COMMD10: variants seen among roughly 807,000 people sequenced by gnomAD.
COMMD10 encodes the protein COMM domain containing 10, also known as COMM domain-containing protein 10.
COMMD10 carries 33 observed loss-of-function variants against 28.9 expected under a neutral mutation model. The observed-to-expected ratio is 1.14, with a 90% confidence interval of 0.87 to 1.53. The LOEUF is 1.53. Ranked by LOEUF, COMMD10 falls within the 40% of genes most tolerant of loss-of-function variation. COMMD10 has a pLI of 0.00. For missense variants in COMMD10, 310 were observed against 233.4 expected (o/e 1.33, Z -2.14); for synonymous variants, 110 against 81.7 (o/e 1.35, Z -1.87).
chr5:116,202,107 A>G (rs545077337), intron 5 of COMMD10, among the ~76,000 whole-genome samples: 2 of 140,396 alleles, frequency 1.4e-5, no homozygotes, highest in African/African-American at 5.3e-5. Flanking sequence ...TCATTGTTCA[A>G]TTCCCACCTA....
At chr5:116,230,185 A>G (rs1321907622) in intron 5 of COMMD10, among the ~76,000 whole-genome samples, 6 of 152,006 alleles carry the variant, frequency 3.9e-5, no homozygotes, top group African/African-American at 9.7e-5. Flanking sequence ...TGTATAAGGA[A>G]GCCATGTAAC....
At chr5:116,090,574 C>A (rs1439423783) in intron 2 of COMMD10, among the ~76,000 whole-genome samples, 1 of 152,168 alleles carries the variant, frequency 6.6e-6, no homozygotes, top group Non-Finnish European at 1.5e-5. Context: ...TGCTGTATAT[C>A]TAGTTTTGAG....
chr5:116,245,148 A>G (rs149642159), intron 5 of COMMD10, among the ~76,000 whole-genome samples: 9 of 152,196 alleles, frequency 5.9e-5, no homozygotes, highest in African/African-American at 2.2e-4. Flanking sequence ...AATAAACACA[A>G]TCAGAAATGA....
chr5:116,175,879 A>T (rs958812260), intron 5 of COMMD10, among the ~76,000 whole-genome samples: 3 of 152,068 alleles, frequency 2.0e-5, no homozygotes, highest in Non-Finnish European at 2.9e-5. Flanking sequence ...GGGAATGAGG[A>T]GTAGGGAGTT....
chr5:116,287,036 C>T (rs538362407), intron 5 of COMMD10, among the ~76,000 whole-genome samples: 2 of 151,920 alleles, frequency 1.3e-5, no homozygotes, highest in African/African-American at 2.4e-5. Flanking sequence ...CATGTAAATA[C>T]AGTAAGTCCT....
At chr5:116,169,960 TTCA>T (rs1753265901) in intron 5 of COMMD10, among the ~76,000 whole-genome samples, 1 of 152,024 alleles carries the variant, frequency 6.6e-6, no homozygotes, top group Non-Finnish European at 1.5e-5. Flanking sequence ...ACCACCCCTA[TTCA>T]TCATAGTATG....
At position 116,189,056 on chromosome 5, in the gene COMMD10, T is replaced by C. The variant is rs143611458; in HGVS notation, c.510+54878T>C. ...AAAAATTTATTGATGGCTCATTGTATGTTAGGGTTTATTCTGAGTGCCTTA... is the reference window on the plus strand; with the variant it reads ...AAAAATTTATTGATGGCTCATTGTACGTTAGGGTTTATTCTGAGTGCCTTA... On this transcript the variant is annotated intron_variant, in intron 5 of 6. Transcript: ENST00000274458. Among the ~76,000 whole-genome samples, 309 of 152,314 alleles carry C rather than the reference T, an allele frequency of 2.0e-3. 3 individuals carry two copies. In the Middle Eastern group the frequency reaches 0.024, roughly 12 times the overall value.
chr5:116,176,320 A>G (rs1293002174), intron 5 of COMMD10, among the ~76,000 whole-genome samples: 9 of 152,116 alleles, frequency 5.9e-5, no homozygotes. Context: ...TGCCAGGCTG[A>G]CTAGGCTGGA....
chr5:116,273,661 A>C (rs1750819310), intron 5 of COMMD10, among the ~76,000 whole-genome samples: 1 of 151,780 alleles, frequency 6.6e-6, no homozygotes, highest in Admixed American at 6.6e-5. Context: ...TTATGCTATG[A>C]GTCATTTCAG....
intron 5 of COMMD10, among the ~76,000 whole-genome samples, chr5:116,190,250 T>C (rs1465643351): frequency 6.6e-6 from 1 of 152,128 alleles, no homozygotes; most frequent in Non-Finnish European, 1.5e-5. Context: ...TATATATATA[T>C]ATCTAGTAGA....
rs183336777 is a variant in COMMD10, at chr5:116,172,373, A to G, written c.510+38195A>G. 1.1e-3 allele frequency among the ~76,000 whole-genome samples: 168 copies of G among 152,240 alleles called. No individual in the cohort carries two copies. The East Asian group carries it at 0.012, about 11-fold the overall frequency. ...GAGTGATTATATGAAGAAAAATACT[A>G]TGATGATACTAATTGTGTTTTGTAG... On this transcript the variant is annotated intron_variant, in intron 5 of 6. Coordinates refer to ENST00000274458, the MANE Select transcript of COMMD10 (RefSeq NM_016144.4).
At chr5:116,110,116 C>CT (rs1298791774) in intron 4 of COMMD10, among the ~76,000 whole-genome samples, 1 of 152,130 alleles carries the variant, frequency 6.6e-6, no homozygotes. Flanking sequence ...ATTTCTCAGT[C>CT]TATTGGTTTG....
At position 116,166,016 on chromosome 5, in the gene COMMD10, A is replaced by G. The variant is rs150909657; in HGVS notation, c.510+31838A>G. Among the ~76,000 whole-genome samples, 174 of 152,252 alleles carry G rather than the reference A, an allele frequency of 1.1e-3. 1 individual carries two copies. In the East Asian group the frequency reaches 0.032, roughly 28 times the overall value. On this transcript the variant is annotated intron_variant, in intron 5 of 6. Transcript: ENST00000274458. Reference sequence around the variant, plus strand: ...TGAGGTGGGTCAGCTATGGTGGCAGACTCACTAAGAGTGTCATCCTCAACT... The same window carrying G: ...TGAGGTGGGTCAGCTATGGTGGCAGGCTCACTAAGAGTGTCATCCTCAACT...
chr5:116,217,827 A>T (rs138493953), intron 5 of COMMD10, among the ~76,000 whole-genome samples: 2 of 152,098 alleles, frequency 1.3e-5, no homozygotes, highest in Non-Finnish European at 1.5e-5. Flanking sequence ...CCCCACATCA[A>T]TCCAGCTTCG....
chr5:116,108,504 C>T (rs1750919632), intron 4 of COMMD10, among the ~76,000 whole-genome samples: 1 of 152,192 alleles, frequency 6.6e-6, no homozygotes, highest in South Asian at 2.1e-4. Context: ...GGTAAAACCG[C>T]CTACTCAAGC....
At chr5:116,094,129 C>T (rs557958481) in intron 4 of COMMD10, among the ~76,000 whole-genome samples, 1 of 152,204 alleles carries the variant, frequency 6.6e-6, no homozygotes, top group Middle Eastern at 3.4e-3. Flanking sequence ...TTATGGCTGA[C>T]CTTCCTAAAA....
chr5:116,283,154 A>G (rs1036463079), intron 5 of COMMD10, among the ~76,000 whole-genome samples: 2 of 151,926 alleles, frequency 1.3e-5, no homozygotes, highest in Admixed American at 6.6e-5. Flanking sequence ...GCAATACTGC[A>G]GATGACTCAG....
At chr5:116,249,930 C>T (rs1248874947) in intron 5 of COMMD10, among the ~76,000 whole-genome samples, 2 of 151,860 alleles carry the variant, frequency 1.3e-5, no homozygotes, top group African/African-American at 4.8e-5. Context: ...AGTCACTTAA[C>T]AATTATATTT....
At chr5:116,205,878 T>C (rs113721995) in intron 5 of COMMD10, among the ~76,000 whole-genome samples, 1 of 152,172 alleles carries the variant, frequency 6.6e-6, no homozygotes, top group East Asian at 1.9e-4. Flanking sequence ...AGATATATAT[T>C]TGCTTTACAT....
Sources: gnomAD v4.1 joint callset for allele counts (sites outside exome capture counted in the v4.1 genomes callset) on GRCh38, gnomAD v4.1.1 for gene constraint, MANE v1.5 for transcripts, NCBI Gene and HGNC (gene_info 2026-07-23, HGNC 2026-07-21) for gene names.